The following STOX1 variants were observed in gnomAD, a reference collection of about 807,000 sequenced individuals.
The protein encoded by STOX1 is storkhead-box protein 1.
STOX1 carries 57 observed loss-of-function variants against 74.8 expected under a neutral mutation model. The observed-to-expected ratio is 0.76, with a 90% CI of 0.62 to 0.95. The LOEUF is 0.95. Among genes scored for constraint, STOX1 ranks in the 40% least tolerant of loss-of-function variants. The pLI is 0.00. For missense variants in STOX1, 1,010 were observed against 1,117.0 expected (o/e 0.90, Z 1.37); for synonymous variants, 375 against 401.3 (o/e 0.93, Z 0.78).
rs75383599 is a variant in STOX1, at chr10:68,834,651, A to G, written c.310+6718A>G. 3.1e-3 allele frequency among the ~76,000 whole-genome samples: 477 copies of G among 152,366 alleles called. 2 individuals are homozygous for G. The highest frequency in any genetic ancestry group is 0.011 in the African/African-American group (460 of 41,590). On this transcript the variant is annotated intron_variant, in intron 1 of 3. Transcript: ENST00000298596. ...AGGATTAGAACATTACCATTACCCCAGAAAGTTCCCTCCTGTCCTTTCCCA... is the reference window on the plus strand; with the variant it reads ...AGGATTAGAACATTACCATTACCCCGGAAAGTTCCCTCCTGTCCTTTCCCA...
chr10:68,848,132 C>T (rs766574850), intron 1 of STOX1, among the ~76,000 whole-genome samples: 3 of 151,952 alleles, frequency 2.0e-5, no homozygotes, highest in Non-Finnish European at 2.9e-5. Context: ...GCTGGGCCAG[C>T]CCTGACCTGG....
intron 1 of STOX1, among the ~76,000 whole-genome samples, chr10:68,840,314 A>C (rs144773260): frequency 2.7e-3 from 415 of 152,348 alleles, no homozygotes; most frequent in Non-Finnish European, 3.2e-3. Flanking sequence ...AAAAGCAAAA[A>C]TAGAGAAGTG....
intron 1 of STOX1, among the ~76,000 whole-genome samples, chr10:68,861,557 C>T (rs1840269403): frequency 6.6e-6 from 1 of 152,066 alleles, no homozygotes; most frequent in African/African-American, 2.4e-5. Flanking sequence ...CTTGCATGTC[C>T]CCCTTTTTGT....
chr10:68,867,064 C>T (rs1840427962), intron 1 of STOX1, among the ~76,000 whole-genome samples: 1 of 151,646 alleles, frequency 6.6e-6, no homozygotes, highest in Non-Finnish European at 1.5e-5. Context: ...CCAGCCTCAG[C>T]CTCCCGAGTA....
rs776407376 is a variant in STOX1, at chr10:68,884,825, C to T, written c.1029C>T (p.Pro343=). 5.0e-5 allele frequency: 81 copies of T among 1,613,942 alleles called. No homozygotes were observed. Among genetic ancestry groups the T allele is most frequent in the Middle Eastern group, 3.3e-4 (2 of 6,084 alleles). Residue 343 remains proline, a synonymous_variant, in exon 3 of 4, where the codon CCC becomes CCT. Coordinates refer to ENST00000298596, the MANE Select transcript of STOX1 (RefSeq NM_152709.5). ...FSAQFPPEEW[P]VRDEDDLDNI... ...CTCAGTTCCCACCTGAAGAATGGCC[C>T]GTCCGAGATGAAGATGACTTGGACA...
chr10:68,852,626 C>T (rs1175606560), intron 1 of STOX1, among the ~76,000 whole-genome samples: 1 of 151,444 alleles, frequency 6.6e-6, no homozygotes, highest in African/African-American at 2.4e-5. Flanking sequence ...ATCTATTGCC[C>T]AGGCTGTAGC....
Position 68,872,843 on chromosome 10 carries a change from C to T in STOX1, c.311-9115C>T, listed in dbSNP as rs146365883. On this transcript the variant is annotated intron_variant, in intron 1 of 3. Coordinates refer to ENST00000298596, the MANE Select transcript of STOX1 (RefSeq NM_152709.5). ...ATTTAAAATGTTAGAATTTAAATTC[C>T]AAGAGCAGACCCTCTTGGAATTGGT... 2.0e-5 allele frequency among the ~76,000 whole-genome samples: 3 copies of T among 151,962 alleles called. No homozygotes were observed. The East Asian group carries it at 5.8e-4, about 29-fold the overall frequency.
At chr10:68,863,793 ATCACT>A (rs1840328291) in intron 1 of STOX1, among the ~76,000 whole-genome samples, 1 of 152,134 alleles carries the variant, frequency 6.6e-6, no homozygotes. Context: ...AGAATCAGAA[ATCACT>A]TTAATAGGCA....
At chr10:68,860,299 T>C (rs12766711) in intron 1 of STOX1, among the ~76,000 whole-genome samples, 38,467 of 150,512 alleles carry the variant, frequency 0.26, 5,208 homozygotes, top group Admixed American at 0.31. Flanking sequence ...GGTCCAGGCA[T>C]GGTGGCTCAC....
At chr10:68,872,049 T>C (rs1374335396) in intron 1 of STOX1, among the ~76,000 whole-genome samples, 2 of 152,200 alleles carry the variant, frequency 1.3e-5, no homozygotes, top group African/African-American at 2.4e-5. Flanking sequence ...GCTGTTTTAT[T>C]TGCACGCTGT....
At chr10:68,865,974 C>G (rs1174407060) in intron 1 of STOX1, among the ~76,000 whole-genome samples, 2 of 152,004 alleles carry the variant, frequency 1.3e-5, no homozygotes, top group Admixed American at 1.3e-4. Flanking sequence ...AAAATGGTAT[C>G]CTAAACCTTG....
intron 1 of STOX1, among the ~76,000 whole-genome samples, chr10:68,867,186 C>A (rs950918094): frequency 6.6e-6 from 1 of 152,020 alleles, no homozygotes; most frequent in Non-Finnish European, 1.5e-5. Flanking sequence ...ACCTCGTGAT[C>A]CGCCCGCCTC....
chr10:68,852,352 G>A (rs567103212), intron 1 of STOX1, among the ~76,000 whole-genome samples: 7 of 138,910 alleles, frequency 5.0e-5, no homozygotes, highest in Non-Finnish European at 9.1e-5. Flanking sequence ...TCCGCTTCCC[G>A]GGTTCACGCC....
intron 1 of STOX1, among the ~76,000 whole-genome samples, chr10:68,856,091 G>T (rs1840119333): frequency 1.3e-4 from 20 of 152,066 alleles, no homozygotes; most frequent in Admixed American, 1.3e-3. Flanking sequence ...AGAGGGCACA[G>T]GGTAGCAGGT....
At chr10:68,841,238 C>T (rs190299412) in intron 1 of STOX1, among the ~76,000 whole-genome samples, 1 of 152,316 alleles carries the variant, frequency 6.6e-6, no homozygotes, top group East Asian at 1.9e-4. Context: ...AGCCACCATG[C>T]CCGGCCTGTT....
chr10:68,862,165 A>G (rs188297137), intron 1 of STOX1, among the ~76,000 whole-genome samples: 28 of 152,246 alleles, frequency 1.8e-4, no homozygotes, highest in African/African-American at 6.7e-4. Flanking sequence ...GTAGGCTGTG[A>G]CAGTGATCAG....
At chr10:68,828,664 G>A (rs534643952) in intron 1 of STOX1, among the ~76,000 whole-genome samples, 19 of 152,320 alleles carry the variant, frequency 1.2e-4, no homozygotes, top group African/African-American at 3.6e-4. Context: ...CAGGGGAATG[G>A]CCAGAGTTTA....
intron 3 of STOX1, among the ~76,000 whole-genome samples, chr10:68,888,625 G>C (rs1363923020): frequency 1.5e-5 from 2 of 132,974 alleles, no homozygotes; most frequent in African/African-American, 6.3e-5. Context: ...ATCTTTGCCA[G>C]TATTTTTTTT....
At chr10:68,832,580 G>A (rs1435340738) in intron 1 of STOX1, among the ~76,000 whole-genome samples, 1 of 151,944 alleles carries the variant, frequency 6.6e-6, no homozygotes, top group Non-Finnish European at 1.5e-5. Flanking sequence ...GGCTAAGGCA[G>A]GAGAACCCGG....
Sources: allele counts gnomAD v4.1 joint callset (sites outside exome capture counted in the v4.1 genomes callset), GRCh38; gene constraint gnomAD v4.1.1; transcripts MANE v1.5; gene names NCBI Gene and HGNC (gene_info 2026-07-23, HGNC 2026-07-21).